UBAC2: variants seen among roughly 807,000 people sequenced by gnomAD.
UBAC2 encodes UBA domain containing 2, also known as ubiquitin-associated domain-containing protein 2.
In UBAC2, 26 loss-of-function variants were observed where a neutral mutation model predicts 44.0. The ratio of observed to expected loss-of-function variants is 0.59; its 90% CI spans 0.43 to 0.82. UBAC2 has a LOEUF of 0.82. Ranked by LOEUF, UBAC2 falls within the 40% of genes least tolerant of loss-of-function variation. The probability of loss-of-function intolerance (pLI) is 0.00; values close to 1 mark genes in which losing one functional copy is unlikely to be tolerated. For missense variants in UBAC2, 329 were observed against 419.4 expected (o/e 0.78, Z 1.88); for synonymous variants, 155 against 154.3 (o/e 1.00, Z -0.04).
intron 1 of UBAC2, among the ~76,000 whole-genome samples, chr13:99,237,874 G>A (rs2043256957): frequency 6.6e-6 from 1 of 152,150 alleles, no homozygotes; most frequent in Non-Finnish European, 1.5e-5. Flanking sequence ...AGAATCGCTT[G>A]AACCTGGGAG....
intron 1 of UBAC2, among the ~76,000 whole-genome samples, chr13:99,213,627 T>G (rs1187862656): frequency 1.3e-5 from 2 of 152,182 alleles, no homozygotes; most frequent in Non-Finnish European, 2.9e-5. Flanking sequence ...CCCAGAGTGC[T>G]GGGATTACAG....
chr13:99,347,217 C>T (rs776460239), intron 7 of UBAC2, among the ~76,000 whole-genome samples: 7 of 148,654 alleles, frequency 4.7e-5, no homozygotes, highest in South Asian at 2.1e-4. Context: ...CCCCCAGGGA[C>T]CAAGGAGAAA....
intron 4 of UBAC2, among the ~76,000 whole-genome samples, chr13:99,298,192 A>T (rs1232433303): frequency 6.6e-6 from 1 of 152,178 alleles, no homozygotes; most frequent in East Asian, 1.9e-4. Context: ...ACTCAACATG[A>T]TTTAAAAGCT....
chr13:99,335,207 C>A (rs1226349966), intron 6 of UBAC2, among the ~76,000 whole-genome samples: 2 of 152,194 alleles, frequency 1.3e-5, no homozygotes, highest in Non-Finnish European at 2.9e-5. Context: ...TTTTGTACTT[C>A]ATTCAAATCT....
intron 4 of UBAC2, among the ~76,000 whole-genome samples, chr13:99,276,143 G>A (rs1251910376): frequency 1.3e-5 from 2 of 152,136 alleles, no homozygotes; most frequent in Admixed American, 6.5e-5. Flanking sequence ...TGCCAAGATG[G>A]GGAGAGGCAG....
chr13:99,322,180 G>C (rs751495569), intron 6 of UBAC2, among the ~76,000 whole-genome samples: 3 of 152,150 alleles, frequency 2.0e-5, no homozygotes, highest in Non-Finnish European at 4.4e-5. Flanking sequence ...TAGATGTCTG[G>C]TGAGAGACCT....
chr13:99,283,996 G>A (rs2043987415), intron 4 of UBAC2, among the ~76,000 whole-genome samples: 1 of 152,008 alleles, frequency 6.6e-6, no homozygotes, highest in Admixed American at 6.5e-5. Flanking sequence ...GCCTCCCAAA[G>A]TGCTGGGATA....
intron 1 of UBAC2, 86 bp from the exon 2 acceptor site, chr13:99,238,341 G>A: frequency 6.7e-7 from 1 of 1,496,602 alleles, no homozygotes; most frequent in Non-Finnish European, 9.0e-7. Context: ...TGATTTAAAA[G>A]AAGTGAATTC....
At chr13:99,333,749 T>G (rs985138489) in intron 6 of UBAC2, among the ~76,000 whole-genome samples, 1 of 152,080 alleles carries the variant, frequency 6.6e-6, no homozygotes, top group Non-Finnish European at 1.5e-5. Flanking sequence ...GTTTTGTGAG[T>G]GTATACTCAC....
intron 8 of UBAC2, among the ~76,000 whole-genome samples, chr13:99,374,168 A>G (rs966284087): frequency 6.6e-6 from 1 of 152,230 alleles, no homozygotes; most frequent in Non-Finnish European, 1.5e-5. Flanking sequence ...TAAGAAGGAA[A>G]CAGAGCAATA....
Position 99,383,264 on chromosome 13 carries a change from G to A in UBAC2, c.928-1964G>A, listed in dbSNP as rs547267185. 2.6e-5 allele frequency among the ~76,000 whole-genome samples: 4 copies of A among 152,366 alleles called. No homozygotes were observed. In the South Asian group the frequency reaches 6.2e-4, roughly 24 times the overall value. On this transcript the variant is annotated intron_variant, in intron 8 of 8. Transcript: ENST00000403766. Reference sequence around the variant, plus strand: ...AGGAATTTTCACATAAAATGCTCTCGAGTCAGGTCTCTCAAATCCTGCCTG... The same window carrying A: ...AGGAATTTTCACATAAAATGCTCTCAAGTCAGGTCTCTCAAATCCTGCCTG...
In UBAC2 at chr13:99,255,092, C is replaced by G. The variant is rs758638842; in HGVS notation, c.389+10468C>G. On this transcript the variant is annotated intron_variant, in intron 4 of 8. Transcript: ENST00000403766. Reference sequence around the variant, plus strand: ...GCTCCCCAGGGATTGTAACTGTTCTCCCCCGTTCCCAGCATCAGGAAAGCG... The same window carrying G: ...GCTCCCCAGGGATTGTAACTGTTCTGCCCCGTTCCCAGCATCAGGAAAGCG... The G allele has an allele frequency of 4.3e-6, 7 of 1,613,988 alleles. No individual in the cohort carries two copies. The South Asian group carries it at 4.4e-5, about 10-fold the overall frequency.
At chr13:99,212,666 GA>G (rs1371891687) in intron 1 of UBAC2, among the ~76,000 whole-genome samples, 2 of 152,058 alleles carry the variant, frequency 1.3e-5, no homozygotes, top group African/African-American at 2.4e-5. Context: ...AAAATATAGG[GA>G]AAAAAACATA....
chr13:99,216,469 G>A (rs373460595), intron 1 of UBAC2, among the ~76,000 whole-genome samples: 4 of 152,090 alleles, frequency 2.6e-5, no homozygotes, highest in African/African-American at 4.8e-5. Context: ...TCCATTTACC[G>A]TAGTGATATC....
At chr13:99,262,975 C>T (rs1175034354) in intron 4 of UBAC2, among the ~76,000 whole-genome samples, 2 of 152,144 alleles carry the variant, frequency 1.3e-5, no homozygotes, top group Non-Finnish European at 2.9e-5. Flanking sequence ...GACTGTCAGG[C>T]ATGATTCTGA....
At chr13:99,366,187 T>A (rs2045328300) in intron 7 of UBAC2, among the ~76,000 whole-genome samples, 2 of 152,244 alleles carry the variant, frequency 1.3e-5, no homozygotes, top group Admixed American at 1.3e-4. Flanking sequence ...TACCTTATTC[T>A]TTTCTTTAAG....
chr13:99,323,643 A>G (rs1009775483), intron 6 of UBAC2, among the ~76,000 whole-genome samples: 1 of 152,136 alleles, frequency 6.6e-6, no homozygotes, highest in Non-Finnish European at 1.5e-5. Context: ...ACTCACATTC[A>G]CGTTGACTCA....
At chr13:99,243,784 G>T in intron 2 of UBAC2, 48 bp from the exon 3 acceptor site, 2 of 1,531,876 alleles carry the variant, frequency 1.3e-6, no homozygotes, top group South Asian at 1.2e-5. Flanking sequence ...GAAGAGACCC[G>T]AACAAATTTT....
chr13:99,348,157 T>C lies in UBAC2; in HGVS notation c.807+7592T>C, dbSNP rs537592567. ...TGTGTTTTGTTCATCCCCAGTAGAA[T>C]ATGAGCTCTTGGAGGACAGGAGCTG... On this transcript the variant is annotated intron_variant, in intron 7 of 8. Coordinates refer to ENST00000403766, the MANE Select transcript of UBAC2 (RefSeq NM_001144072.2). Among the ~76,000 whole-genome samples the C allele has an allele frequency of 8.5e-4, 129 of 152,326 alleles. 1 individual carries two copies. The highest frequency in any genetic ancestry group is 3.7e-3 in the South Asian group (18 of 4,826).
Sources: gnomAD v4.1 joint callset for allele counts (sites outside exome capture counted in the v4.1 genomes callset) on GRCh38, gnomAD v4.1.1 for gene constraint, MANE v1.5 for transcripts, NCBI Gene and HGNC (gene_info 2026-07-23, HGNC 2026-07-21) for gene names.